HAAO: variants seen among roughly 807,000 people sequenced by gnomAD.
HAAO encodes 3-hydroxyanthranilate 3,4-dioxygenase, also known as 3-hydroxyanthranilate oxygenase.
In HAAO, 49 loss-of-function variants were observed where a neutral mutation model predicts 46.2. The ratio of observed to expected loss-of-function variants is 1.06; its 90% CI spans 0.84 to 1.34. The LOEUF (loss-of-function observed/expected upper bound fraction) is 1.34, where lower values mean the gene tolerates loss of function less well. Ranked by LOEUF, HAAO falls within the 40% of genes most tolerant of loss-of-function variation. The probability of loss-of-function intolerance (pLI) is 0.00; values close to 1 mark genes in which losing one functional copy is unlikely to be tolerated. For synonymous variants in HAAO, 157 were observed against 145.2 expected (o/e 1.08, Z -0.58); for missense variants, 408 against 364.5 (o/e 1.12, Z -0.97).
In HAAO at chr2:42,767,131, G is replaced by A. The variant is rs1321199338; in HGVS notation, c.*306C>T. Reference sequence around the variant, plus strand: ...CTTTATTGAGGGCCTTCTTGGTGTGGAAGTGCTGCACTGAGTCTGCAGGGA... The same window carrying A: ...CTTTATTGAGGGCCTTCTTGGTGTGAAAGTGCTGCACTGAGTCTGCAGGGA... On this transcript the variant is annotated 3_prime_UTR_variant, in exon 10 of 10. Coordinates refer to ENST00000294973, the MANE Select transcript of HAAO (RefSeq NM_012205.3). 2.2e-5 allele frequency: 11 copies of A among 500,382 alleles called. No homozygotes were observed. The highest frequency in any genetic ancestry group is 3.9e-5 in the African/African-American group (2 of 51,926). The allele number at this position is 500,382 out of a possible 1,614,324, so 31.0% of individuals were successfully genotyped here.
intron 4 of HAAO, among the ~76,000 whole-genome samples, chr2:42,778,608 G>A (rs746377842): frequency 2.6e-5 from 4 of 152,148 alleles, no homozygotes; most frequent in Admixed American, 1.3e-4. Context: ...AATTACAGGC[G>A]TGAGTCACTG....
chr2:42,770,724 T>C, intron 4 of HAAO, 142 bp from the exon 5 acceptor site: 1 of 546,338 alleles, frequency 1.8e-6, no homozygotes, highest in Non-Finnish European at 3.2e-6. Flanking sequence ...TAGTGGTCAC[T>C]GGTCACTTAA....
chr2:42,783,077 A>G (rs530144880), intron 4 of HAAO: 179 of 564,096 alleles, frequency 3.2e-4, no homozygotes, highest in Middle Eastern at 2.7e-3. Context: ...GCCAAAGTTC[A>G]TCAGGCTGAG....
intron 4 of HAAO, 182 bp downstream of exon 4, chr2:42,783,132 C>A: frequency 3.4e-6 from 2 of 594,604 alleles, no homozygotes; most frequent in Non-Finnish European, 3.0e-6. Flanking sequence ...CCCCACTCTA[C>A]CCCTCCACCA....
chr2:42,775,559 ATGTTTT>A (rs1383950230), intron 4 of HAAO, among the ~76,000 whole-genome samples: 5 of 151,364 alleles, frequency 3.3e-5, no homozygotes, highest in Admixed American at 2.6e-4. Flanking sequence ...TTTAACTTTC[ATGTTTT>A]TGTTTTTGTT....
At chr2:42,776,008 G>A (rs934802374) in intron 4 of HAAO, among the ~76,000 whole-genome samples, 8 of 151,548 alleles carry the variant, frequency 5.3e-5, no homozygotes, top group Non-Finnish European at 8.8e-5. Context: ...ACTTAGAAAT[G>A]TCTTTGTTTA....
chr2:42,781,179 A>G (rs1671969096), intron 4 of HAAO, among the ~76,000 whole-genome samples: 1 of 152,246 alleles, frequency 6.6e-6, no homozygotes, highest in Admixed American at 6.5e-5. Context: ...ATTTGTGAGT[A>G]TTCTTAACTT....
At chr2:42,768,438 G>A (rs987414352) in intron 7 of HAAO, among the ~76,000 whole-genome samples, 1 of 152,186 alleles carries the variant, frequency 6.6e-6, no homozygotes, top group Non-Finnish European at 1.5e-5. Flanking sequence ...ACTGAAGCAG[G>A]TAAGAGCAGG....
chr2:42,788,478 G>T (rs773965139), intron 2 of HAAO, 51 bp downstream of exon 2: 1 of 1,197,840 alleles, frequency 8.3e-7, no homozygotes, highest in Non-Finnish European at 1.2e-6. Flanking sequence ...TCCCGCTAGG[G>T]CCAGGCTCCT....
At chr2:42,770,785 C>A (rs934649482) in intron 4 of HAAO, among the ~76,000 whole-genome samples, 4 of 152,160 alleles carry the variant, frequency 2.6e-5, no homozygotes, top group African/African-American at 9.7e-5. Flanking sequence ...GCTACTATCC[C>A]GAGAATTCAC....
intron 5 of HAAO, 90 bp downstream of exon 5, chr2:42,770,403 A>T: frequency 1.9e-6 from 2 of 1,062,166 alleles, no homozygotes. Context: ...CAGGATCTCC[A>T]CCCTGGGAGG....
At chr2:42,788,226 T>A (rs893730) in intron 2 of HAAO, among the ~76,000 whole-genome samples, 121,104 of 152,240 alleles carry the variant, frequency 0.8, 48,511 homozygotes, top group Middle Eastern at 0.93. Flanking sequence ...CCCCTTCACA[T>A]GGCCAGCCCC....
chr2:42,773,893 T>C (rs527718223), intron 4 of HAAO, among the ~76,000 whole-genome samples: 2 of 152,322 alleles, frequency 1.3e-5, no homozygotes, highest in East Asian at 3.9e-4. Flanking sequence ...CCCGGCTACC[T>C]GCCCCCCATT....
intron 4 of HAAO, chr2:42,783,004 T>A (rs1027303709): frequency 3.9e-5 from 18 of 465,990 alleles, no homozygotes; most frequent in Non-Finnish European, 7.2e-5. Context: ...TTAAATTAAC[T>A]GAGACCTGTC....
intron 4 of HAAO, among the ~76,000 whole-genome samples, chr2:42,781,315 T>TCA (rs1211135541): frequency 7.9e-5 from 12 of 152,216 alleles, no homozygotes; most frequent in Non-Finnish European, 1.5e-5. Context: ...CTTTATTGGT[T>TCA]TATGGAGCCA....
In HAAO at chr2:42,767,321, G is replaced by T; in HGVS notation, c.*116C>A. ...GGGTGACAACAATGTGCAGGTCTGT[G>T]GGGGACACAGCGGCAGTACACAGAG... On this transcript the variant is annotated 3_prime_UTR_variant, in exon 10 of 10. Transcript: ENST00000294973. 1 of 745,510 alleles carries T rather than the reference G, an allele frequency of 1.3e-6. No homozygotes were observed. The allele number at this position is 745,510 out of a possible 1,614,324, so 46.2% of individuals were successfully genotyped here.
chr2:42,768,643 C>T (rs576860932), intron 7 of HAAO, among the ~76,000 whole-genome samples: 47 of 152,260 alleles, frequency 3.1e-4, no homozygotes, highest in African/African-American at 8.7e-4. Flanking sequence ...AGTGGCAAGC[C>T]GTAAAGCACA....
chr2:42,771,587 A>G (rs1558661029), intron 4 of HAAO, among the ~76,000 whole-genome samples: 2 of 152,326 alleles, frequency 1.3e-5, no homozygotes, highest in African/African-American at 4.8e-5. Context: ...GTACATGTAC[A>G]TATAGCCTTC....
chr2:42,768,032 G>T (rs1490137618), intron 7 of HAAO, 104 bp from the exon 8 acceptor site: 5 of 1,010,358 alleles, frequency 4.9e-6, no homozygotes, highest in Non-Finnish European at 6.1e-6. Flanking sequence ...CAGGGTTGGG[G>T]CCCATGAAAC....
Sources: allele counts gnomAD v4.1 joint callset (sites outside exome capture counted in the v4.1 genomes callset), GRCh38; gene constraint gnomAD v4.1.1; transcripts MANE v1.5; gene names NCBI Gene and HGNC (gene_info 2026-07-23, HGNC 2026-07-21).